CNBD1: variants seen among roughly 807,000 people sequenced by gnomAD.
CNBD1 encodes the protein cyclic nucleotide-binding domain-containing protein 1.
Under a neutral mutation model 54.4 loss-of-function variants are expected in CNBD1, and 71 were observed. The observed-to-expected ratio is 1.30, with a 90% CI of 1.08 to 1.59. CNBD1 has a LOEUF of 1.59. Ranked by LOEUF, CNBD1 falls within the 40% of genes most tolerant of loss-of-function variation. The pLI is 0.00. For missense variants in CNBD1, 659 were observed against 518.0 expected (o/e 1.27, Z -2.64); for synonymous variants, 182 against 170.7 (o/e 1.07, Z -0.51).
rs193130027 is a variant in CNBD1 at position 87,197,841 on chromosome 8, C to A, written c.432-8152C>A. Among the ~76,000 whole-genome samples, 534 of 152,154 alleles carry A rather than the reference C, an allele frequency of 3.5e-3. 4 individuals are homozygous for A. Among genetic ancestry groups the A allele is most frequent in the African/African-American group, 0.012 (513 of 41,506 alleles). On this transcript the variant is annotated intron_variant, in intron 4 of 10. Coordinates refer to ENST00000518476, the MANE Select transcript of CNBD1 (RefSeq NM_173538.3). ...TTATCAGATATTTTTATTGTCCCTC[C>A]CTCAGGTTTCATGTGCACTTCCCTA...
chr8:87,343,574 C>T (rs1052798037), intron 8 of CNBD1, among the ~76,000 whole-genome samples: 1 of 152,218 alleles, frequency 6.6e-6, no homozygotes, highest in Non-Finnish European at 1.5e-5. Flanking sequence ...GTCAACATCT[C>T]CTGTTAACCT....
intron 3 of CNBD1, among the ~76,000 whole-genome samples, chr8:86,934,907 G>A (rs1427080251): frequency 6.6e-6 from 1 of 152,000 alleles, no homozygotes; most frequent in Non-Finnish European, 1.5e-5. Context: ...TTCCTTTCTG[G>A]TAATTTCCTT....
intron 4 of CNBD1, among the ~76,000 whole-genome samples, chr8:87,013,573 T>A (rs1809268400): frequency 6.6e-6 from 1 of 151,872 alleles, no homozygotes; most frequent in Non-Finnish European, 1.5e-5. Context: ...TTAAAAAAAA[T>A]AATAATAACC....
chr8:87,070,401 A>C (rs1810736349), intron 4 of CNBD1, among the ~76,000 whole-genome samples: 1 of 152,104 alleles, frequency 6.6e-6, no homozygotes, highest in Non-Finnish European at 1.5e-5. Flanking sequence ...CATAAAATAC[A>C]CGGATTGTTA....
rs1176010002 is a variant in CNBD1, at chr8:86,905,081, C to T, written c.159C>T (p.Ser53=). ...NALCHIRGQH[S]RSMSNILSAH... ...ATTTAATTTCTCTCTTCTTTTTAAGCCGGAGTATGAGCAATATCTTATCAG... is the reference window on the plus strand; with the variant it reads ...ATTTAATTTCTCTCTTCTTTTTAAGTCGGAGTATGAGCAATATCTTATCAG... Residue 53 remains serine (S), a splice_region_variant and synonymous_variant, in exon 3 of 11, where the codon AGC becomes AGT. Transcript: ENST00000518476. 5.7e-6 allele frequency: 9 copies of T among 1,582,242 alleles called. No individual in the cohort carries two copies. Among genetic ancestry groups the T allele is most frequent in the Non-Finnish European group, 7.8e-6 (9 of 1,154,990 alleles).
chr8:87,096,046 G>T (rs2130686554), intron 4 of CNBD1, among the ~76,000 whole-genome samples: 1 of 152,258 alleles, frequency 6.6e-6, no homozygotes, highest in East Asian at 1.9e-4. Context: ...AGGTAATTGG[G>T]CATTCTCTGC....
At chr8:87,006,718 T>G (rs560920353) in intron 4 of CNBD1, among the ~76,000 whole-genome samples, 1 of 152,282 alleles carries the variant, frequency 6.6e-6, no homozygotes, top group Non-Finnish European at 1.5e-5. Flanking sequence ...CAATTCAACA[T>G]GAGATCTGGG....
chr8:87,071,813 A>G (rs1167356634), intron 4 of CNBD1, among the ~76,000 whole-genome samples: 1 of 152,104 alleles, frequency 6.6e-6, no homozygotes, highest in African/African-American at 2.4e-5. Flanking sequence ...AGTTATGTAG[A>G]TATCTATCAA....
At chr8:87,262,894 G>A (rs1463626446) in intron 6 of CNBD1, among the ~76,000 whole-genome samples, 1 of 152,126 alleles carries the variant, frequency 6.6e-6, no homozygotes, top group Non-Finnish European at 1.5e-5. Flanking sequence ...AATAGTTTCT[G>A]TATTGGAGAT....
intron 8 of CNBD1, among the ~76,000 whole-genome samples, chr8:87,318,338 T>C (rs1782392808): frequency 6.6e-6 from 1 of 152,118 alleles, no homozygotes; most frequent in Non-Finnish European, 1.5e-5. Context: ...AGCTTTGTTC[T>C]GAGACACTGT....
At chr8:86,911,590 GA>G (rs1248013313) in intron 3 of CNBD1, among the ~76,000 whole-genome samples, 1 of 152,072 alleles carries the variant, frequency 6.6e-6, no homozygotes, top group Non-Finnish European at 1.5e-5. Flanking sequence ...TCTATGCTGG[GA>G]ACATTTGAAT....
At chr8:87,009,231 G>T (rs1036619170) in intron 4 of CNBD1, among the ~76,000 whole-genome samples, 1 of 151,860 alleles carries the variant, frequency 6.6e-6, no homozygotes, top group Non-Finnish European at 1.5e-5. Flanking sequence ...TTTGCCTTCT[G>T]CTCTTTTTCT....
At chr8:86,901,614 A>G (rs1173215479) in intron 2 of CNBD1, among the ~76,000 whole-genome samples, 2 of 152,158 alleles carry the variant, frequency 1.3e-5, no homozygotes, top group Non-Finnish European at 2.9e-5. Context: ...AATGCTATAA[A>G]GGGGTGCTTT....
At chr8:87,376,987 G>C (rs148301657) in intron 10 of CNBD1, among the ~76,000 whole-genome samples, 598 of 149,310 alleles carry the variant, frequency 4.0e-3, no homozygotes, top group African/African-American at 0.014. Flanking sequence ...ACAATACTAA[G>C]TGTTGATATT....
At chr8:87,094,698 A>G (rs1211794067) in intron 4 of CNBD1, among the ~76,000 whole-genome samples, 7 of 152,144 alleles carry the variant, frequency 4.6e-5, no homozygotes, top group Non-Finnish European at 2.9e-5. Flanking sequence ...CCAGAAGTCA[A>G]ATTATCAGGC....
chr8:87,196,859 G>A (rs551151898), intron 4 of CNBD1, among the ~76,000 whole-genome samples: 10 of 152,252 alleles, frequency 6.6e-5, no homozygotes, highest in South Asian at 4.1e-4. Context: ...GCTTTTGGCC[G>A]TCAGCTGGAA....
chr8:87,106,532 T>A (rs149612854), intron 4 of CNBD1, among the ~76,000 whole-genome samples: 3,105 of 152,338 alleles, frequency 0.02, 61 homozygotes, highest in Non-Finnish European at 0.031. Flanking sequence ...TTTCTATAGA[T>A]AATTCAGTTA....
At chr8:87,334,303 T>C (rs2130913018) in intron 8 of CNBD1, among the ~76,000 whole-genome samples, 1 of 151,952 alleles carries the variant, frequency 6.6e-6, no homozygotes, top group African/African-American at 2.4e-5. Flanking sequence ...AGCAACCTAT[T>C]TTTTAATTTT....
rs545145858 is a variant in CNBD1 at position 87,115,036 on chromosome 8, A to C, written c.432-90957A>C. 5.9e-5 allele frequency among the ~76,000 whole-genome samples: 9 copies of C among 152,344 alleles called. No homozygotes were observed. The South Asian group carries it at 1.9e-3, about 32-fold the overall frequency. ...TGAAGCAATTATAAAGTTAAGCTGC[A>C]TAATGAGGTTACTTTTGGAGAATAT... On this transcript the variant is annotated intron_variant, in intron 4 of 10. Coordinates refer to ENST00000518476, the MANE Select transcript of CNBD1 (RefSeq NM_173538.3).
Sources: gnomAD v4.1 joint callset for allele counts (sites outside exome capture counted in the v4.1 genomes callset) on GRCh38, gnomAD v4.1.1 for gene constraint, MANE v1.5 for transcripts, NCBI Gene and HGNC (gene_info 2026-07-23, HGNC 2026-07-21) for gene names.